Variants in CDK11B observed in about 807,000 individuals in gnomAD.
CDK11B encodes the protein cyclin dependent kinase 11B, also known as cyclin-dependent kinase 11B.
In CDK11B, 37 loss-of-function variants were observed where a neutral mutation model predicts 84.0. The ratio of observed to expected loss-of-function variants is 0.44; its 90% CI spans 0.34 to 0.58. The LOEUF is 0.58. Ranked by LOEUF, CDK11B falls within the 20% of genes least tolerant of loss-of-function variation. The probability of loss-of-function intolerance (pLI) is 0.02; values close to 1 mark genes in which losing one functional copy is unlikely to be tolerated. For missense variants in CDK11B, 427 were observed against 834.0 expected (o/e 0.51, Z 6.01); for synonymous variants, 269 against 309.8 (o/e 0.87, Z 1.38).
At position 1,650,657 on chromosome 1, in the gene CDK11B, G is replaced by A. The variant is rs1279457465; in HGVS notation, c.356-1020C>T. On this transcript the variant is annotated intron_variant, in intron 4 of 19. Transcript: ENST00000341832. ...GGGGATTACAGTTGTGAGCCACCGC[G>A]CCCGGCCTTTTTTTTTTTTTTTTTT... Among the ~76,000 whole-genome samples the A allele has an allele frequency of 1.1e-4, 15 of 135,402 alleles. No individual in the cohort carries two copies. The East Asian group carries it at 2.4e-3, about 22-fold the overall frequency. 88.8% of individuals were successfully genotyped at this position (135,402 alleles called of 152,430 possible).
chr1:1,655,606 T>C (rs1642639929), intron 2 of CDK11B, 122 bp from the exon 3 acceptor site: 1 of 1,372,750 alleles, frequency 7.3e-7, no homozygotes, highest in South Asian at 1.5e-5. Flanking sequence ...ATATATACTC[T>C]GAATGAGCCA....
chr1:1,657,324 A>C, intron 2 of CDK11B, 51 bp downstream of exon 2: 1 of 1,613,184 alleles, frequency 6.2e-7, no homozygotes, highest in Non-Finnish European at 8.5e-7. Context: ...ATGAGGGCAA[A>C]GAAATTAAAT....
At chr1:1,649,712 T>A in intron 4 of CDK11B, 75 bp from the exon 5 acceptor site, 2 of 1,465,990 alleles carry the variant, frequency 1.4e-6, no homozygotes. Flanking sequence ...CGGAGGCTTA[T>A]GCCTGTAATC....
chr1:1,641,152 G>A lies in CDK11B; in HGVS notation c.1010-39C>T, dbSNP rs1330494314. The A allele has an allele frequency of 2.7e-6, 4 of 1,479,530 alleles. No homozygotes were observed. In the South Asian group the frequency reaches 5.5e-5, roughly 20 times the overall value. The allele number at this position is 1,479,530 out of a possible 1,614,324, so 91.7% of individuals were successfully genotyped here. ...GAGGCGTCTGCTCAGACCAGCACCG[G>A]GGCGAGTGCTGCCACAGGCAGGATG... On this transcript the variant is annotated intron_variant, in intron 9 of 19. Transcript: ENST00000341832.
rs144413330 is a variant in CDK11B, at chr1:1,655,484, A to T, written c.112T>A (p.Ser38Thr). 1,390 of 1,605,146 alleles carry T rather than the reference A, an allele frequency of 8.7e-4. 20 individuals carry two copies. In the Admixed American group the frequency reaches 0.011, roughly 13 times the overall value. ...EKAEIKRLKN[S>T]DDRDSKRDSL... ...TCCCGCTTGGAATCCCGGTCATCAG[A>T]CTAAGAAGCAAAGAGAAAGTTAATC... Residue 38 changes from serine to threonine, a missense_variant and splice_region_variant, in exon 3 of 20, where the codon TCT becomes ACT. Ser to Thr is a moderately conservative substitution (Grantham distance 58, BLOSUM62 1). Around this residue, in one of 12 missense-constraint regions of CDK11B, gnomAD observed 57 missense variants for 62.2 expected, o/e 0.92. Transcript: ENST00000341832.
intron 4 of CDK11B, among the ~76,000 whole-genome samples, chr1:1,650,268 C>CAAAAAAAA (rs1212256890): frequency 1.5e-4 from 7 of 45,782 alleles, no homozygotes; most frequent in East Asian, 6.8e-4. Context: ...GACTCCGTCC[C>CAAAAAAAA]AAAAAAAAAA....
chr1:1,636,103 C>A lies in CDK11B; in HGVS notation c.2090G>T (p.Arg697Met). 1.9e-6 allele frequency: 1 copy of A among 523,790 alleles called. No homozygotes were observed. The highest frequency in any genetic ancestry group is 3.0e-5 in the East Asian group (1 of 33,864). 32.4% of individuals were successfully genotyped at this position (523,790 alleles called of 1,614,324 possible). Residue 697 changes from arginine to methionine, a missense_variant, in exon 19 of 20, where the codon AGG (arginine) becomes ATG (methionine). This residue lies in a region of CDK11B where 170 missense variants were observed against 196.0 expected (regional missense o/e 0.87). Transcript: ENST00000341832. ...GAGGCCGTCCTCAGCGCTGATCCTC[C>A]TCCCGGGGAAGTAGGTCAGGAACCT... ...MNKFLTYFPGRRISAEDGLKH... is the reference protein window; with the variant it reads ...MNKFLTYFPGMRISAEDGLKH...
intron 5 of CDK11B, chr1:1,646,178 T>C (rs1374083849): frequency 2.4e-6 from 1 of 410,808 alleles, no homozygotes; most frequent in African/African-American, 2.1e-5. Flanking sequence ...ATCTTGTTTT[T>C]CTATCTGATA....
At chr1:1,649,326 C>T (rs1430682770) in intron 5 of CDK11B, among the ~76,000 whole-genome samples, 173 bp downstream of exon 5, 2 of 151,902 alleles carry the variant, frequency 1.3e-5, no homozygotes, top group East Asian at 3.9e-4. Context: ...TGGTCTCCAT[C>T]TCCTCACCTC....
At chr1:1,641,381 C>A (rs1390175991) in intron 9 of CDK11B, among the ~76,000 whole-genome samples, 2 of 148,110 alleles carry the variant, frequency 1.4e-5, no homozygotes, top group Non-Finnish European at 3.0e-5. Flanking sequence ...TGCTGGCGCA[C>A]ACCTGTACTC....
At position 1,636,480 on chromosome 1, in the gene CDK11B, T is replaced by C; in HGVS notation, c.1919A>G (p.Asp640Gly). The C allele has an allele frequency of 6.2e-7, 1 of 1,611,184 alleles. No individual in the cohort carries two copies. The highest frequency in any genetic ancestry group is 2.2e-5 in the East Asian group (1 of 44,810). The change falls in exon 18 of 20, where the codon GAT becomes GGT. Residue 640 changes from aspartate (D) to glycine (G), a missense_variant and splice_region_variant. This residue lies in a region of CDK11B where 170 missense variants were observed against 196.0 expected (regional missense o/e 0.87). Transcript: ENST00000341832. ...GATTTTCTCACTAGGGGTCCCCAGA[T>C]CCTGAAAGACAGAGGTGCTTCAACA... is the stretch of plus-strand genomic sequence containing the variant. The part of the protein sequence containing the change: ...EIDQINKVFK[D>G]LGTPSEKIWP...
chr1:1,641,741 T>C lies in CDK11B; in HGVS notation c.930A>G (p.Ser310=), dbSNP rs1294747454. Reference sequence around the variant, plus strand: ...CTTCCTCTTCCTCCTCCTCCTCCTCTGATTCTTCACTGGTGCTCCCTTCCT... The same window carrying C: ...CTTCCTCTTCCTCCTCCTCCTCCTCCGATTCTTCACTGGTGCTCCCTTCCT... The part of the protein sequence containing the change: ...EEEEGSTSEE[S]EEEEEEEEEE... Residue 310 remains serine (S), a synonymous_variant, in exon 9 of 20, where the codon TCA becomes TCG. Transcript: ENST00000341832. 7 of 802,344 alleles carry C rather than the reference T, an allele frequency of 8.7e-6. No homozygotes were observed. Among genetic ancestry groups the C allele is most frequent in the South Asian group, 1.6e-5 (1 of 64,354 alleles). The allele number at this position is 802,344 out of a possible 1,614,324, so 49.7% of individuals were successfully genotyped here.
intron 6 of CDK11B, among the ~76,000 whole-genome samples, chr1:1,643,714 A>G (rs1389938389): frequency 7.0e-6 from 1 of 143,094 alleles, no homozygotes; most frequent in Non-Finnish European, 1.5e-5. Flanking sequence ...ATAGACACTA[A>G]AAAGTAAATA....
chr1:1,648,163 C>T (rs1187525076), intron 5 of CDK11B, among the ~76,000 whole-genome samples: 21 of 152,270 alleles, frequency 1.4e-4, no homozygotes, highest in African/African-American at 2.7e-4. Flanking sequence ...TGATCTGAAT[C>T]GGCCCTACCC....
At position 1,636,888 on chromosome 1, in the gene CDK11B, A is replaced by G. The variant is rs370347733; in HGVS notation, c.1800+9T>C. The G allele has an allele frequency of 2.9e-5, 46 of 1,608,412 alleles. No individual in the cohort carries two copies. In the African/African-American group the frequency reaches 5.1e-4, roughly 18 times the overall value. Reference sequence around the variant, plus strand: ...GGACAGGGGAGGCACTCAGACGCCCAGGACTCACCTTGGCACCAAGCAGCA... The same window carrying G: ...GGACAGGGGAGGCACTCAGACGCCCGGGACTCACCTTGGCACCAAGCAGCA... On this transcript the variant is annotated intron_variant, in intron 16 of 19. Transcript: ENST00000341832.
chr1:1,650,637 T>G (rs1270924686), intron 4 of CDK11B, among the ~76,000 whole-genome samples: 3 of 149,642 alleles, frequency 2.0e-5, no homozygotes, highest in African/African-American at 4.9e-5. Flanking sequence ...AGTGTGGGGA[T>G]TACAGTTGTG....
rs1276563976 is a variant in CDK11B at position 1,636,396 on chromosome 1, T to C, written c.2003A>G (p.Tyr668Cys). 1 of 1,610,364 alleles carries C rather than the reference T, an allele frequency of 6.2e-7. No individual in the cohort carries two copies. The highest frequency in any genetic ancestry group is 8.5e-7 in the Non-Finnish European group (1 of 1,178,112). The change falls in exon 18 of 20, where the codon TAC becomes TGC. Residue 668 changes from tyrosine to cysteine, a missense_variant. This residue lies in a region of CDK11B where 170 missense variants were observed against 196.0 expected (regional missense o/e 0.87). Transcript: ENST00000341832. ...CCCGAAGCGCTTGCGGAGGTTGTTG[T>C]AGGGGTGCTCGCTGAAGGTCATCTT... The part of the protein sequence containing the change: ...VKKMTFSEHP[Y>C]NNLRKRFGAL...
chr1:1,643,482 GA>G (rs1265367415), intron 6 of CDK11B, among the ~76,000 whole-genome samples: 3 of 151,084 alleles, frequency 2.0e-5, no homozygotes, highest in African/African-American at 7.4e-5. Context: ...ATTCAGAGGG[GA>G]AAAAAAGAAG....
intron 4 of CDK11B, 23 bp downstream of exon 4, chr1:1,652,416 A>T: frequency 2.0e-6 from 3 of 1,486,166 alleles, no homozygotes; most frequent in Non-Finnish European, 2.7e-6. Flanking sequence ...ACATGATGTC[A>T]AAGAAAGTAA....
Sources: allele counts gnomAD v4.1 joint callset (sites outside exome capture counted in the v4.1 genomes callset), GRCh38; gene constraint gnomAD v4.1.1; regional missense constraint gnomAD v4.1.1; transcripts MANE v1.5; gene names NCBI Gene and HGNC (gene_info 2026-07-23, HGNC 2026-07-21).